APC: variants seen among roughly 807,000 people sequenced by gnomAD.
APC encodes the protein adenomatous polyposis coli protein.
Under a neutral mutation model 247.0 loss-of-function variants are expected in APC, and 72 were observed. The ratio of observed to expected loss-of-function variants is 0.29; its 90% CI spans 0.24 to 0.35. The LOEUF (loss-of-function observed/expected upper bound fraction) is 0.35. Among genes scored for constraint, APC ranks in the 10% least tolerant of loss-of-function variants. APC has a pLI of 1.00. For synonymous variants in APC, 1,254 were observed against 1,162.5 expected (o/e 1.08, Z -1.60); for missense variants, 3,400 against 3,360.7 (o/e 1.01, Z -0.29).
chr5:112,757,579 C>T (rs957665335), intron 2 of APC, among the ~76,000 whole-genome samples: 6 of 151,946 alleles, frequency 3.9e-5, no homozygotes, highest in South Asian at 2.1e-4. Flanking sequence ...CAAAAAAATA[C>T]AAAAATTAGC....
At chr5:112,788,455 C>T (rs1306246584) in intron 6 of APC, among the ~76,000 whole-genome samples, 1 of 152,116 alleles carries the variant, frequency 6.6e-6, no homozygotes, top group Admixed American at 6.5e-5. Context: ...CTTAGCAACA[C>T]CATGATCCTA....
chr5:112,707,995 C>T (rs1750626199), intron 1 of APC: 3 of 1,089,760 alleles, frequency 2.8e-6, no homozygotes, highest in Non-Finnish European at 3.6e-6. Context: ...TCTCTTCTCT[C>T]CATGTCTCAC....
intron 6 of APC, among the ~76,000 whole-genome samples, chr5:112,785,283 A>G (rs1234803366): frequency 6.6e-6 from 1 of 152,200 alleles, no homozygotes; most frequent in Non-Finnish European, 1.5e-5. Context: ...TAGAAAAGCT[A>G]TACAAAATGA....
chr5:112,766,455 T>G (rs1561462684), intron 3 of APC, 45 bp downstream of exon 3: 1 of 1,368,140 alleles, frequency 7.3e-7, no homozygotes, highest in Non-Finnish European at 1.0e-6. Flanking sequence ...TAAGCTCAAA[T>G]TGTCATCTTT....
chr5:112,810,196 G>T (rs1295109703), intron 8 of APC: 1 of 454,682 alleles, frequency 2.2e-6, no homozygotes, highest in Admixed American at 2.4e-5. Flanking sequence ...AGATCCCTAA[G>T]ATCAAAGAGA....
intron 14 of APC, among the ~76,000 whole-genome samples, chr5:112,832,551 C>T (rs985745456): frequency 3.3e-5 from 5 of 152,178 alleles, no homozygotes; most frequent in Non-Finnish European, 5.9e-5. Context: ...ACATTCAAGG[C>T]CTGGCTTTTG....
At chr5:112,831,184 C>A (rs1449374836) in intron 14 of APC, among the ~76,000 whole-genome samples, 1 of 152,006 alleles carries the variant, frequency 6.6e-6, no homozygotes, top group Non-Finnish European at 1.5e-5. Flanking sequence ...TCTCGGCTAA[C>A]TGCAACCTCC....
intron 15 of APC, 100 bp downstream of exon 15, chr5:112,835,265 C>G: frequency 2.9e-6 from 3 of 1,042,136 alleles, no homozygotes; most frequent in Non-Finnish European, 4.3e-6. Flanking sequence ...AAGTTTTAAG[C>G]CAAAATATAT....
chr5:112,839,892 C>G lies in APC; in HGVS notation c.4298C>G (p.Pro1433Arg), dbSNP rs1580646213. The G allele has an allele frequency of 6.2e-7, 1 of 1,613,992 alleles. No homozygotes were observed. Among genetic ancestry groups the G allele is most frequent in the Non-Finnish European group, 8.5e-7 (1 of 1,179,988 alleles). The change falls in exon 16 of 16, where the codon CCA becomes CGA. Residue 1433 changes from proline to arginine, a missense_variant. This residue lies in a region of APC where 1,788 missense variants were observed against 1,649.5 expected (regional missense o/e 1.08). Coordinates refer to ENST00000257430, the MANE Select transcript of APC (RefSeq NM_000038.6). The surrounding 1 kb of genome is among the most constrained non-coding windows in gnomAD (Gnocchi z 5.0). ...LPDSPGQTMP[P>R]SRSKTPPPPP... ...GATAGCCCTGGACAAACCATGCCAC[C>G]AAGCAGAAGTAAAACACCTCCACCA...
At chr5:112,827,338 T>TC (rs1763809585) in intron 12 of APC, 91 bp downstream of exon 12, 1 of 1,373,990 alleles carries the variant, frequency 7.3e-7, no homozygotes, top group Non-Finnish European at 1.0e-6. Flanking sequence ...TTCTTTTTTT[T>TC]CACTCTCCTC....
chr5:112,791,213 A>G lies in APC; in HGVS notation c.646-1233A>G, dbSNP rs539711911. Reference sequence around the variant, plus strand: ...CATTGTTTCCATTCCATGTGGTTCAATCTGTAGTTACTGCTTTGTGACCAG... The same window carrying G: ...CATTGTTTCCATTCCATGTGGTTCAGTCTGTAGTTACTGCTTTGTGACCAG... On this transcript the variant is annotated intron_variant, in intron 6 of 15. Transcript: ENST00000257430. Among the ~76,000 whole-genome samples the G allele has an allele frequency of 5.3e-5, 8 of 152,320 alleles. No individual in the cohort carries two copies. In the South Asian group the frequency reaches 1.7e-3, roughly 32 times the overall value.
intron 1 of APC, among the ~76,000 whole-genome samples, chr5:112,738,966 G>C (rs532698219): frequency 6.6e-6 from 1 of 152,200 alleles, no homozygotes; most frequent in South Asian, 2.1e-4. Flanking sequence ...CCATTAATTA[G>C]GTCATTCAAG....
At chr5:112,816,093 A>G (rs931109833) in intron 9 of APC, among the ~76,000 whole-genome samples, 4 of 152,220 alleles carry the variant, frequency 2.6e-5, no homozygotes, top group Non-Finnish European at 5.9e-5. Flanking sequence ...CTGCTTCCTG[A>G]ACATTCCCTG....
In APC at chr5:112,842,671, A is replaced by G. The variant is rs781472719; in HGVS notation, c.7077A>G (p.Ser2359=). The change falls in exon 16 of 16, where the codon TCA becomes TCG. Residue 2359 remains serine, a synonymous_variant. Coordinates refer to ENST00000257430, the MANE Select transcript of APC (RefSeq NM_000038.6). ...CTAGTACTGCTTCAACTAAGTCCTC[A>G]GGTTCTGGAAAAATGTCATATACAT... is the stretch of plus-strand genomic sequence containing the variant. ...SSPSTASTKS[S]GSGKMSYTSP... 6.2e-7 allele frequency: 1 copy of G among 1,613,590 alleles called. No homozygotes were observed. Among genetic ancestry groups the G allele is most frequent in the East Asian group, 2.2e-5 (1 of 44,900 alleles).
rs762030106 is a variant in APC, at chr5:112,840,427, G to A, written c.4833G>A (p.Gln1611=). ...LPPPVARKPS[Q]LPVYKLLPSQ... ...CACCTGTGGCAAGGAAACCAAGTCA[G>A]CTGCCTGTGTACAAACTTCTACCAT... is the stretch of plus-strand genomic sequence containing the variant. The change falls in exon 16 of 16, where the codon CAG becomes CAA. Residue 1611 remains glutamine, a synonymous_variant. Transcript: ENST00000257430. The surrounding 1 kb of genome is among the most constrained non-coding windows in gnomAD (Gnocchi z 4.1). 1.1e-5 allele frequency: 17 copies of A among 1,614,194 alleles called. No homozygotes were observed. In the Admixed American group the frequency reaches 2.7e-4, roughly 25 times the overall value.
chr5:112,746,216 G>A (rs1281875428), intron 1 of APC, among the ~76,000 whole-genome samples: 2 of 151,996 alleles, frequency 1.3e-5, no homozygotes, highest in African/African-American at 4.8e-5. Context: ...GTAAATCACA[G>A]AAGAAACTTT....
At chr5:112,759,012 A>G (rs1247301978) in intron 2 of APC, among the ~76,000 whole-genome samples, 4 of 152,210 alleles carry the variant, frequency 2.6e-5, no homozygotes, top group African/African-American at 7.2e-5. Flanking sequence ...AGAATTATCT[A>G]TAGGCAAGTT....
chr5:112,721,085 A>G (rs1751459584), intron 1 of APC, among the ~76,000 whole-genome samples: 1 of 152,142 alleles, frequency 6.6e-6, no homozygotes, highest in Admixed American at 6.5e-5. Context: ...GAGATAGTAT[A>G]ATGAACTAGA....
chr5:112,836,609 CCTT>C (rs1764973289), intron 15 of APC, among the ~76,000 whole-genome samples: 2 of 152,164 alleles, frequency 1.3e-5, no homozygotes, highest in Non-Finnish European at 2.9e-5. Flanking sequence ...GATTCTCACT[CCTT>C]GTTTTTATAT....
Sources: allele counts gnomAD v4.1 joint callset (sites outside exome capture counted in the v4.1 genomes callset), GRCh38; gene constraint gnomAD v4.1.1; regional missense constraint gnomAD v4.1.1; non-coding constraint Gnocchi (gnomAD v3.1); transcripts MANE v1.5; gene names NCBI Gene and HGNC (gene_info 2026-07-23, HGNC 2026-07-21).